The following RHCG variants were observed in gnomAD, a reference collection of about 807,000 sequenced individuals.
RHCG encodes the protein ammonium transporter Rh type C.
A neutral mutation model predicts 55.3 loss-of-function variants in RHCG; 39 were observed. The ratio of observed to expected loss-of-function variants is 0.70; its 90% confidence interval spans 0.55 to 0.92. RHCG has a LOEUF of 0.92. Among genes scored for constraint, RHCG ranks in the 40% least tolerant of loss-of-function variants. RHCG has a pLI of 0.00. For missense variants in RHCG, 635 were observed against 627.9 expected (o/e 1.01, Z -0.12); for synonymous variants, 250 against 246.8 (o/e 1.01, Z -0.12).
chr15:89,475,709 T>G (rs1465705829), intron 9 of RHCG, among the ~76,000 whole-genome samples: 2 of 151,844 alleles, frequency 1.3e-5, no homozygotes, highest in Non-Finnish European at 2.9e-5. Flanking sequence ...CCAGGCTGGG[T>G]GTTAGAATCC....
chr15:89,495,246 C>T (rs1204733039), intron 1 of RHCG, among the ~76,000 whole-genome samples: 1 of 152,176 alleles, frequency 6.6e-6, no homozygotes, highest in African/African-American at 2.4e-5. Flanking sequence ...CTGCAGCCCC[C>T]CAAACGCAGT....
chr15:89,477,916 A>G lies in RHCG; in HGVS notation c.896T>C (p.Met299Thr). The change falls in exon 6 of 11, where the codon ATG becomes ACG. Residue 299 changes from methionine to threonine, a missense_variant. Met to Thr is a moderately conservative substitution (Grantham distance 81). Transcript: ENST00000268122. This position sits in a 1 kb window ranked among gnomAD's most constrained non-coding sequence, Gnocchi z 4.5. Reference sequence around the variant, plus strand: ...GAGGGCACCGTAAGGCATGAGCATCATCTCAGCAGCGGTACCCACGGCCAC... The same window carrying G: ...GAGGGCACCGTAAGGCATGAGCATCGTCTCAGCAGCGGTACCCACGGCCAC... Reference protein sequence around the residue: ...GGVAVGTAAEMMLMPYGALII... With the variant: ...GGVAVGTAAETMLMPYGALII... 6.2e-7 allele frequency: 1 copy of G among 1,613,894 alleles called. No individual in the cohort carries two copies. Among genetic ancestry groups the G allele is most frequent in the Non-Finnish European group, 8.5e-7 (1 of 1,179,890 alleles).
chr15:89,483,306 C>A, intron 2 of RHCG, 89 bp from the exon 3 acceptor site: 2 of 1,276,956 alleles, frequency 1.6e-6, no homozygotes, highest in East Asian at 2.6e-5. Flanking sequence ...TGGATTTGGG[C>A]TTGTGGCTTA....
chr15:89,480,120 T>A, intron 4 of RHCG, 141 bp downstream of exon 4: 1 of 1,106,244 alleles, frequency 9.0e-7, no homozygotes, highest in South Asian at 1.4e-5. Context: ...CTGGCAGCCA[T>A]GCACCATACC....
At chr15:89,480,714 G>A (rs1326356635) in intron 3 of RHCG, among the ~76,000 whole-genome samples, 1 of 152,170 alleles carries the variant, frequency 6.6e-6, no homozygotes, top group East Asian at 1.9e-4. Context: ...CAGAACTGAG[G>A]GAAACAACCT....
chr15:89,481,377 G>T (rs1961264110), intron 3 of RHCG, among the ~76,000 whole-genome samples: 1 of 152,020 alleles, frequency 6.6e-6, no homozygotes, highest in Non-Finnish European at 1.5e-5. Context: ...TTGAACCCGG[G>T]AGGCAGAGGT....
At chr15:89,479,208 C>A in intron 5 of RHCG, 114 bp downstream of exon 5, 1 of 1,093,404 alleles carries the variant, frequency 9.1e-7, no homozygotes, top group South Asian at 1.7e-5. Context: ...TCTCCCCCAA[C>A]CTCATCTGCA....
rs752027623 is a variant in RHCG, at chr15:89,472,762, C to T, written c.1413G>A (p.Met471Ile). ...PSVPMVSPLPMASSVPLVP is the reference protein window; with the variant it reads ...PSVPMVSPLPIASSVPLVP ...AGGGTACCAAGGGTACCGAGGAAGC[C>T]ATGGGTAGTGGGGACACCATGGGTA... The change falls in exon 10 of 11, where the codon ATG (methionine) becomes ATA (isoleucine). Residue 471 changes from methionine (M) to isoleucine (I), a missense_variant. Coordinates refer to ENST00000268122, the MANE Select transcript of RHCG (RefSeq NM_016321.3). The T allele has an allele frequency of 8.8e-6, 14 of 1,594,518 alleles. No individual in the cohort carries two copies. The highest frequency in any genetic ancestry group is 5.4e-5 in the African/African-American group (4 of 74,154).
chr15:89,473,809 C>A (rs1452044305), intron 9 of RHCG, among the ~76,000 whole-genome samples: 1 of 152,124 alleles, frequency 6.6e-6, no homozygotes, highest in Non-Finnish European at 1.5e-5. Flanking sequence ...CCTGAGGTTA[C>A]TGGGGGACGT....
chr15:89,480,492 C>G, intron 3 of RHCG, 84 bp from the exon 4 acceptor site: 1 of 1,495,810 alleles, frequency 6.7e-7, no homozygotes. Flanking sequence ...CACACACACA[C>G]GCCCAGAGCT....
chr15:89,473,250 C>T (rs555981627), intron 9 of RHCG, among the ~76,000 whole-genome samples: 12 of 152,232 alleles, frequency 7.9e-5, no homozygotes, highest in East Asian at 5.8e-4. Flanking sequence ...GGGGCAGAGG[C>T]GGTAAAAGGT....
chr15:89,493,969 C>A (rs62023062), intron 1 of RHCG, among the ~76,000 whole-genome samples: 11 of 152,000 alleles, frequency 7.2e-5, no homozygotes, highest in South Asian at 4.2e-4. Context: ...GATTCTTCCC[C>A]TATACCCCTC....
chr15:89,482,848 C>A (rs1465026854), intron 3 of RHCG, among the ~76,000 whole-genome samples: 1 of 152,198 alleles, frequency 6.6e-6, no homozygotes, highest in Non-Finnish European at 1.5e-5. Context: ...TTCAAGGAAG[C>A]CCTGCTCTGT....
In RHCG at chr15:89,477,621, G is replaced by A. The variant is rs779319537; in HGVS notation, c.1008C>T (p.Asp336=). 4 of 1,614,098 alleles carry A rather than the reference G, an allele frequency of 2.5e-6. No homozygotes were observed. The highest frequency in any genetic ancestry group is 1.3e-5 in the African/African-American group (1 of 75,034). ...PFLESRLHIQ[D]TCGINNLHGI... ...CATGCAGATTGTTAATGCCACATGT[G>A]TCCTGGATGTGCAGCCGGGACTCCA... The change falls in exon 7 of 11, where the codon GAC becomes GAT. Residue 336 remains aspartate, a synonymous_variant. Coordinates refer to ENST00000268122, the MANE Select transcript of RHCG (RefSeq NM_016321.3). The surrounding 1 kb of genome is among the most constrained non-coding windows in gnomAD (Gnocchi z 4.5).
At chr15:89,474,574 A>C (rs1961096702) in intron 9 of RHCG, among the ~76,000 whole-genome samples, 1 of 152,198 alleles carries the variant, frequency 6.6e-6, no homozygotes, top group African/African-American at 2.4e-5. Flanking sequence ...GGCCAGCCTG[A>C]AGTCACAGAA....
At chr15:89,479,259 T>C in intron 5 of RHCG, 63 bp downstream of exon 5, 1 of 1,542,908 alleles carries the variant, frequency 6.5e-7, no homozygotes, top group Non-Finnish European at 8.8e-7. Context: ...TGGCAAGGCA[T>C]GGTGATCAGC....
At chr15:89,479,536 A>G in intron 4 of RHCG, 48 bp from the exon 5 acceptor site, 1 of 1,532,758 alleles carries the variant, frequency 6.5e-7, no homozygotes, top group South Asian at 1.2e-5. Flanking sequence ...GAGGCATTAG[A>G]TACAGCCCCA....
rs753417199 is a variant in RHCG, at chr15:89,479,476, A to C, written c.683T>G (p.Leu228Arg). 6.2e-7 allele frequency: 1 copy of C among 1,612,662 alleles called. No individual in the cohort carries two copies. Among genetic ancestry groups the C allele is most frequent in the Non-Finnish European group, 8.5e-7 (1 of 1,179,406 alleles). ...DLFAMIGTLF[L>R]WMYWPSFNSA... ...GTTGAAGCTGGGCCAGTACATCCACAGGAAGAGGGTGCCTGGTCAGACCAG... is the reference window on the plus strand; with the variant it reads ...GTTGAAGCTGGGCCAGTACATCCACCGGAAGAGGGTGCCTGGTCAGACCAG... Residue 228 changes from leucine (L) to arginine (R), a missense_variant, in exon 5 of 11, where the codon CTG becomes CGG. Leu to Arg is a moderately radical substitution (Grantham distance 102). Transcript: ENST00000268122.
intron 1 of RHCG, among the ~76,000 whole-genome samples, chr15:89,496,120 G>A (rs938346989): frequency 6.6e-6 from 1 of 152,202 alleles, no homozygotes; most frequent in African/African-American, 2.4e-5. Context: ...GGGCTCTGAC[G>A]GCTGGGAGGG....
Sources: allele counts gnomAD v4.1 joint callset (sites outside exome capture counted in the v4.1 genomes callset), GRCh38; gene constraint gnomAD v4.1.1; non-coding constraint Gnocchi (gnomAD v3.1); transcripts MANE v1.5; gene names NCBI Gene and HGNC (gene_info 2026-07-23, HGNC 2026-07-21).